The following FAM169A variants were observed in gnomAD, a reference collection of about 807,000 sequenced individuals.
The protein encoded by FAM169A is soluble lamin-associated protein of 75 kDa.
In FAM169A, 24 loss-of-function variants were observed where a neutral mutation model predicts 75.7. The observed-to-expected ratio is 0.32, with a 90% CI of 0.23 to 0.45. The LOEUF (loss-of-function observed/expected upper bound fraction) is 0.45, where lower values mean the gene tolerates loss of function less well. FAM169A is among the 20% of genes least tolerant of loss of function. The pLI, the probability that FAM169A is intolerant of heterozygous loss-of-function variation, is 1.00. For synonymous variants in FAM169A, 271 were observed against 271.0 expected (o/e 1.00, Z 0.00); for missense variants, 673 against 784.0 (o/e 0.86, Z 1.69).
In FAM169A at chr5:74,781,541, C is replaced by A. The variant is rs1745407323; in HGVS notation, c.1932G>T (p.Val644=). 6.2e-7 allele frequency: 1 copy of A among 1,614,060 alleles called. No individual in the cohort carries two copies. Among genetic ancestry groups the A allele is most frequent in the African/African-American group, 1.3e-5 (1 of 74,928 alleles). Residue 644 remains valine, a synonymous_variant, in exon 13 of 13, where the codon GTG becomes GTT. Transcript: ENST00000687041. The part of the protein sequence containing the change: ...DSSSEEIEVE[V]PVVDRRNLRR... ...TTAAATTCCGCCTGTCTACCACAGG[C>A]ACTTCCACTTCTATTTCCTCTGAGC...
chr5:74,810,819 C>CT (rs59139246), intron 6 of FAM169A, among the ~76,000 whole-genome samples: 5,646 of 115,074 alleles, frequency 0.049, 224 homozygotes, highest in Non-Finnish European at 0.071. Context: ...GATATTTGCC[C>CT]TTTTTTTTTT....
chr5:74,858,717 G>A (rs1749880991), intron 1 of FAM169A, among the ~76,000 whole-genome samples: 1 of 151,890 alleles, frequency 6.6e-6, no homozygotes, highest in Non-Finnish European at 1.5e-5. Flanking sequence ...ATCTGCACAT[G>A]TCCTCCCGAA....
chr5:74,838,082 C>G (rs1288853353), intron 4 of FAM169A, among the ~76,000 whole-genome samples: 1 of 147,584 alleles, frequency 6.8e-6, no homozygotes, highest in Non-Finnish European at 1.5e-5. Context: ...GCACCCCACT[C>G]CAGCCTAGGC....
At chr5:74,840,009 T>C (rs947108488) in intron 3 of FAM169A, 65 bp downstream of exon 3, 1 of 835,682 alleles carries the variant, frequency 1.2e-6, no homozygotes, top group African/African-American at 1.8e-5. Flanking sequence ...TAGCTACCTT[T>C]TAAATAAATT....
chr5:74,800,547 CTCT>C lies in FAM169A; in HGVS notation c.1103+330_1103+332del, dbSNP rs763032553. 1.3e-4 allele frequency among the ~76,000 whole-genome samples: 19 copies of C among 151,994 alleles called. 1 individual carries two copies. Among genetic ancestry groups the C allele is most frequent in the Non-Finnish European group, 1.9e-4 (13 of 67,990 alleles). On this transcript the variant is annotated intron_variant, in intron 10 of 12. Transcript: ENST00000687041. ...ACACATGAAGTGAGTTTATGCCAGT[CTCT>C]TATTAGCAGCTTCTCCCAATAGCAT...
chr5:74,800,055 T>G, intron 10 of FAM169A: 1 of 723,318 alleles, frequency 1.4e-6, no homozygotes. Context: ...GCCATGACAA[T>G]TTGGGATTTC....
chr5:74,795,523 A>G (rs556660305), intron 11 of FAM169A, among the ~76,000 whole-genome samples: 1 of 150,100 alleles, frequency 6.7e-6, no homozygotes, highest in Admixed American at 6.6e-5. Context: ...AAGGGTTTAT[A>G]TATTTTTTTC....
At chr5:74,810,476 G>A (rs576155762) in intron 6 of FAM169A, among the ~76,000 whole-genome samples, 17 of 152,176 alleles carry the variant, frequency 1.1e-4, no homozygotes, top group Admixed American at 3.3e-4. Context: ...TAGGCTGGGC[G>A]CGGTGGCTCA....
intron 10 of FAM169A, among the ~76,000 whole-genome samples, chr5:74,796,437 G>A (rs1222327206): frequency 6.8e-5 from 10 of 147,086 alleles, no homozygotes; most frequent in African/African-American, 2.0e-4. Context: ...ATAAAGTCTC[G>A]CTCTGTTGCC....
chr5:74,851,579 T>C (rs968474539), intron 1 of FAM169A, among the ~76,000 whole-genome samples: 4 of 152,188 alleles, frequency 2.6e-5, no homozygotes, highest in African/African-American at 9.7e-5. Context: ...AATAAATTAA[T>C]AGATATTTAA....
At chr5:74,813,119 A>T (rs1224809304) in intron 6 of FAM169A, among the ~76,000 whole-genome samples, 2 of 152,206 alleles carry the variant, frequency 1.3e-5, no homozygotes, top group African/African-American at 4.8e-5. Flanking sequence ...GAATGAGTAA[A>T]TCTACAGAGA....
chr5:74,800,059 G>A (rs1234999339), intron 10 of FAM169A: 7 of 713,250 alleles, frequency 9.8e-6, no homozygotes, highest in Non-Finnish European at 1.8e-5. Flanking sequence ...TGACAATTTG[G>A]GATTTCAAGG....
At chr5:74,850,593 C>A (rs1453155008) in intron 1 of FAM169A, among the ~76,000 whole-genome samples, 1 of 152,142 alleles carries the variant, frequency 6.6e-6, no homozygotes, top group African/African-American at 2.4e-5. Context: ...GGATTACTAG[C>A]TATGTAACCA....
chr5:74,801,968 CT>C (rs1236512708), intron 8 of FAM169A, among the ~76,000 whole-genome samples: 1 of 152,126 alleles, frequency 6.6e-6, no homozygotes, highest in Non-Finnish European at 1.5e-5. Flanking sequence ...AGCCTCCAAA[CT>C]TTCTTCCTGA....
intron 10 of FAM169A, 81 bp downstream of exon 10, chr5:74,800,799 A>G: frequency 2.0e-6 from 1 of 496,226 alleles, no homozygotes; most frequent in Non-Finnish European, 2.9e-6. Flanking sequence ...TATATAAAAT[A>G]TTAAATATTG....
intron 10 of FAM169A, 35 bp downstream of exon 10, chr5:74,800,845 A>C (rs1746535469): frequency 2.4e-6 from 3 of 1,252,482 alleles, no homozygotes; most frequent in Non-Finnish European, 3.1e-6. Context: ...TAAAAGTACA[A>C]ATAAAAAATG....
chr5:74,783,541 G>A (rs984024699), intron 11 of FAM169A, among the ~76,000 whole-genome samples: 3 of 152,174 alleles, frequency 2.0e-5, no homozygotes, highest in Admixed American at 6.5e-5. Flanking sequence ...CATAACACCA[G>A]CTGTTCAGCA....
At chr5:74,859,417 G>C (rs1253861868) in intron 1 of FAM169A, among the ~76,000 whole-genome samples, 2 of 150,128 alleles carry the variant, frequency 1.3e-5, no homozygotes, top group Non-Finnish European at 3.0e-5. Flanking sequence ...AGCCTCCTGA[G>C]TAGCTGGGAT....
intron 4 of FAM169A, among the ~76,000 whole-genome samples, chr5:74,838,368 T>C (rs555503623): frequency 9.9e-5 from 15 of 152,158 alleles, no homozygotes; most frequent in Non-Finnish European, 1.9e-4. Context: ...TCAAATATGT[T>C]ACATCTTGGT....
Sources: allele counts gnomAD v4.1 joint callset (sites outside exome capture counted in the v4.1 genomes callset), GRCh38; gene constraint gnomAD v4.1.1; transcripts MANE v1.5; gene names NCBI Gene and HGNC (gene_info 2026-07-23, HGNC 2026-07-21).